Variants in FAM149B1 observed in about 807,000 individuals in gnomAD.
FAM149B1 encodes the protein primary cilium assembly protein FAM149B1.
A neutral mutation model predicts 75.3 loss-of-function variants in FAM149B1; 56 were observed. The observed-to-expected ratio is 0.74, with a 90% CI of 0.60 to 0.93. FAM149B1 has a LOEUF of 0.93. Among genes scored for constraint, FAM149B1 ranks in the 40% least tolerant of loss-of-function variants. The pLI is 0.00. For synonymous variants in FAM149B1, 259 were observed against 256.1 expected, an observed-to-expected ratio of 1.01 and a Z score of -0.11; for missense variants, 639 against 708.4, an observed-to-expected ratio of 0.90 and a Z score of 1.11.
intron 8 of FAM149B1, among the ~76,000 whole-genome samples, chr10:73,229,723 G>A (rs556707461): frequency 6.6e-6 from 1 of 152,184 alleles, no homozygotes; most frequent in Admixed American, 6.5e-5. Context: ...TGAATAGTTA[G>A]ACGTTCTGGT....
chr10:73,197,357 G>A (rs563005306), intron 5 of FAM149B1, among the ~76,000 whole-genome samples: 9 of 152,176 alleles, frequency 5.9e-5, no homozygotes, highest in South Asian at 2.1e-4. Context: ...TTTAAAAAAC[G>A]ACACAAAAAT....
At chr10:73,195,575 A>G (rs919228970) in intron 5 of FAM149B1, among the ~76,000 whole-genome samples, 1 of 152,242 alleles carries the variant, frequency 6.6e-6, no homozygotes, top group Non-Finnish European at 1.5e-5. Context: ...TTTTACAACT[A>G]TCAATGGTAG....
chr10:73,204,700 A>G (rs374040533), intron 5 of FAM149B1, among the ~76,000 whole-genome samples: 3 of 151,964 alleles, frequency 2.0e-5, no homozygotes, highest in South Asian at 4.1e-4. Context: ...ATTTTGGGCA[A>G]TGATGGAGTT....
intron 7 of FAM149B1, among the ~76,000 whole-genome samples, chr10:73,214,197 C>T (rs565732712): frequency 1.2e-4 from 19 of 152,224 alleles, no homozygotes; most frequent in African/African-American, 4.6e-4. Context: ...ATTTATTTAT[C>T]GAATCTAAGT....
At chr10:73,217,935 C>CT (rs1228828303) in intron 7 of FAM149B1, among the ~76,000 whole-genome samples, 1 of 152,188 alleles carries the variant, frequency 6.6e-6, no homozygotes, top group African/African-American at 2.4e-5. Context: ...GTAGCATCAG[C>CT]TCAAAGGTCC....
intron 7 of FAM149B1, among the ~76,000 whole-genome samples, chr10:73,211,265 G>T (rs1453615801): frequency 2.6e-5 from 4 of 152,196 alleles, no homozygotes; most frequent in Non-Finnish European, 5.9e-5. Context: ...AGGTTAAGGG[G>T]TGGGGCTGAA....
At position 73,241,067 on chromosome 10, in the gene FAM149B1, G is replaced by A. The variant is rs1181513779; in HGVS notation, c.*48G>A. ...GGCTGCAGGAAACACGAGATTTCAT[G>A]AAGCAGTATTCAGTCATCAAGTGAT... On this transcript the variant is annotated 3_prime_UTR_variant, in exon 14 of 14. Transcript: ENST00000242505. 9.5e-7 allele frequency: 1 copy of A among 1,055,008 alleles called. No individual in the cohort carries two copies. Among genetic ancestry groups the A allele is most frequent in the Non-Finnish European group, 1.4e-6 (1 of 697,882 alleles). The allele number at this position is 1,055,008 out of a possible 1,614,324, so 65.4% of individuals were successfully genotyped here.
At chr10:73,198,725 A>G (rs937567353) in intron 5 of FAM149B1, among the ~76,000 whole-genome samples, 4 of 152,180 alleles carry the variant, frequency 2.6e-5, no homozygotes, top group Non-Finnish European at 4.4e-5. Context: ...GAATTGCTTG[A>G]ACCCAGGAGG....
chr10:73,170,525 A>C (rs1444935796), intron 1 of FAM149B1, among the ~76,000 whole-genome samples: 1 of 110,424 alleles, frequency 9.1e-6, no homozygotes, highest in African/African-American at 5.4e-5. Context: ...TAAATAAATA[A>C]AAATAAGAAT....
intron 12 of FAM149B1, among the ~76,000 whole-genome samples, chr10:73,235,938 G>A (rs2043810675): frequency 6.6e-6 from 1 of 152,082 alleles, no homozygotes; most frequent in African/African-American, 2.4e-5. Context: ...TCAGCAATGG[G>A]GTCATGCACT....
intron 8 of FAM149B1, 85 bp downstream of exon 8, chr10:73,228,269 G>A: frequency 1.8e-6 from 2 of 1,101,296 alleles, no homozygotes; most frequent in South Asian, 1.4e-5. Context: ...TTACTTGTAT[G>A]ATTTCTGACT....
At chr10:73,185,114 A>C (rs1331528907) in intron 3 of FAM149B1, among the ~76,000 whole-genome samples, 1 of 152,246 alleles carries the variant, frequency 6.6e-6, no homozygotes, top group East Asian at 1.9e-4. Flanking sequence ...TAGATAACTT[A>C]GATGTAATGG....
At chr10:73,227,339 C>T (rs535959711) in intron 7 of FAM149B1, among the ~76,000 whole-genome samples, 1 of 152,306 alleles carries the variant, frequency 6.6e-6, no homozygotes, top group South Asian at 2.1e-4. Context: ...TCTGCCTCAG[C>T]CTCCCACAGT....
intron 5 of FAM149B1, among the ~76,000 whole-genome samples, chr10:73,196,844 A>G (rs541652896): frequency 1.3e-5 from 2 of 152,162 alleles, no homozygotes; most frequent in African/African-American, 2.4e-5. Context: ...AATGCATGAA[A>G]CTAGGTATTT....
At chr10:73,233,367 T>A (rs952565841) in intron 10 of FAM149B1, among the ~76,000 whole-genome samples, 1 of 152,156 alleles carries the variant, frequency 6.6e-6, no homozygotes, top group Non-Finnish European at 1.5e-5. Context: ...TTAGATACAG[T>A]CTCACTCCTG....
At chr10:73,211,286 A>AG (rs2043181577) in intron 7 of FAM149B1, among the ~76,000 whole-genome samples, 1 of 152,220 alleles carries the variant, frequency 6.6e-6, no homozygotes, top group African/African-American at 2.4e-5. Flanking sequence ...AAAGTGAAAA[A>AG]GTTCCAACCT....
At position 73,193,590 on chromosome 10, in the gene FAM149B1, C is replaced by G. The variant is rs2042728850; in HGVS notation, c.539C>G (p.Thr180Ser). The change falls in exon 5 of 14, where the codon ACT becomes AGT. Residue 180 changes from threonine to serine, a missense_variant. Thr to Ser is a moderately conservative substitution (Grantham distance 58). Coordinates refer to ENST00000242505, the MANE Select transcript of FAM149B1 (RefSeq NM_173348.2). ...ACCTTGTCTCAAGAAAGAGATTCTACTATGTGAGTATTCCATTATGTAAGT... is the reference window on the plus strand; with the variant it reads ...ACCTTGTCTCAAGAAAGAGATTCTAGTATGTGAGTATTCCATTATGTAAGT... ...ETTLSQERDS[T>S]IFGIRGKKLH... 1 of 1,550,236 alleles carries G rather than the reference C, an allele frequency of 6.5e-7. No individual in the cohort carries two copies. The highest frequency in any genetic ancestry group is 1.4e-5 in the African/African-American group (1 of 72,984).
intron 9 of FAM149B1, among the ~76,000 whole-genome samples, chr10:73,231,841 C>CAGA (rs1304907578): frequency 1.3e-5 from 2 of 151,202 alleles, no homozygotes; most frequent in African/African-American, 4.9e-5. Flanking sequence ...CAATCAAATC[C>CAGA]AGAAGTTCAT....
rs1265979877 is a variant in FAM149B1, at chr10:73,243,753, AAAG to A, written c.*2740_*2742del. The A allele has an allele frequency of 7.6e-6, 10 of 1,320,322 alleles. No homozygotes were observed. The highest frequency in any genetic ancestry group is 5.9e-5 in the African/African-American group (4 of 67,940). 81.8% of individuals were successfully genotyped at this position (1,320,322 alleles called of 1,614,324 possible). ...ATAGAAGGTATGCGGTTATGTCTTAAAAGAAGAAAACAAAATACAACATTCCAA... is the reference window on the plus strand; with the variant it reads ...ATAGAAGGTATGCGGTTATGTCTTAAAAGAAAACAAAATACAACATTCCAA... On this transcript the variant is annotated 3_prime_UTR_variant, in exon 14 of 14. Transcript: ENST00000242505.
Sources: gnomAD v4.1 joint callset for allele counts (sites outside exome capture counted in the v4.1 genomes callset) on GRCh38, gnomAD v4.1.1 for gene constraint, MANE v1.5 for transcripts, NCBI Gene and HGNC (gene_info 2026-07-23, HGNC 2026-07-21) for gene names.